Variants in JMJD1C observed in about 807,000 individuals in gnomAD.
The protein encoded by JMJD1C is jumonji domain-containing protein 1C.
Under a neutral mutation model 245.3 loss-of-function variants are expected in JMJD1C, and 31 were observed. That is an observed-to-expected ratio of 0.13 (90% CI 0.09 to 0.17). JMJD1C has a LOEUF of 0.17. Among genes scored for constraint, JMJD1C ranks in the 10% least tolerant of loss-of-function variants. The probability of loss-of-function intolerance (pLI) is 1.00; values close to 1 mark genes in which losing one functional copy is unlikely to be tolerated. For synonymous variants in JMJD1C, 1,057 were observed against 1,017.4 expected, an observed-to-expected ratio of 1.04 and a Z score of -0.74; for missense variants, 2,691 against 3,000.2, an observed-to-expected ratio of 0.90 and a Z score of 2.41.
chr10:63,427,158 A>C (rs149973703), intron 1 of JMJD1C: 1 of 154,518 alleles, frequency 6.5e-6, no homozygotes, highest in Admixed American at 6.4e-5. Flanking sequence ...TGGCGGCAGC[A>C]GCTGCTTGGG....
intron 2 of JMJD1C, among the ~76,000 whole-genome samples, chr10:63,341,816 T>C (rs1943407577): frequency 6.6e-6 from 1 of 152,176 alleles, no homozygotes; most frequent in Non-Finnish European, 1.5e-5. Flanking sequence ...TAACACACGT[T>C]CTTGAACGAC....
intron 1 of JMJD1C, among the ~76,000 whole-genome samples, chr10:63,499,827 C>T (rs922948472): frequency 1.3e-5 from 2 of 152,222 alleles, no homozygotes; most frequent in East Asian, 1.9e-4. Context: ...TCAAAGAAGA[C>T]GTTAAAATAT....
At chr10:63,424,021 T>C (rs1950283556) in intron 1 of JMJD1C, among the ~76,000 whole-genome samples, 1 of 152,234 alleles carries the variant, frequency 6.6e-6, no homozygotes, top group Admixed American at 6.5e-5. Context: ...AAGTTCTTTA[T>C]ATATTCTGCA....
intron 10 of JMJD1C, chr10:63,202,902 C>T: frequency 1.0e-6 from 1 of 972,312 alleles, no homozygotes; most frequent in Non-Finnish European, 1.2e-6. Context: ...ATTTATTACA[C>T]TAGAATAAAC....
intron 2 of JMJD1C, among the ~76,000 whole-genome samples, chr10:63,342,284 T>C (rs1464215423): frequency 6.6e-6 from 1 of 152,210 alleles, no homozygotes; most frequent in African/African-American, 2.4e-5. Flanking sequence ...ATGCATGACA[T>C]GGTAAAAATG....
chr10:63,345,021 C>T (rs1339392637), intron 2 of JMJD1C, among the ~76,000 whole-genome samples: 1 of 152,112 alleles, frequency 6.6e-6, no homozygotes, highest in African/African-American at 2.4e-5. Flanking sequence ...AGCAATACCC[C>T]TCCTAGATAT....
At chr10:63,286,540 C>T (rs1269689278) in intron 2 of JMJD1C, among the ~76,000 whole-genome samples, 1 of 152,212 alleles carries the variant, frequency 6.6e-6, no homozygotes, top group Non-Finnish European at 1.5e-5. Flanking sequence ...ATCCTACTTT[C>T]TCAGGAACCA....
intron 3 of JMJD1C, among the ~76,000 whole-genome samples, chr10:63,234,310 A>T (rs1850388384): frequency 6.6e-6 from 1 of 151,896 alleles, no homozygotes; most frequent in African/African-American, 2.4e-5. Context: ...CCTGGGCAAC[A>T]TGGCGAGACC....
intron 1 of JMJD1C, among the ~76,000 whole-genome samples, chr10:63,456,749 A>G (rs1298789974): frequency 1.3e-5 from 2 of 152,160 alleles, no homozygotes; most frequent in Non-Finnish European, 2.9e-5. Context: ...CATAATTTTC[A>G]TAAGCAATAT....
At chr10:63,519,551 T>A (rs188287754) in intron 1 of JMJD1C, among the ~76,000 whole-genome samples, 4 of 152,314 alleles carry the variant, frequency 2.6e-5, no homozygotes, top group Admixed American at 2.0e-4. Flanking sequence ...TTCAGTACAT[T>A]AGACATGGTA....
At chr10:63,348,396 G>C (rs10761747) in intron 2 of JMJD1C, among the ~76,000 whole-genome samples, 95,384 of 151,924 alleles carry the variant, frequency 0.63, 32,682 homozygotes, top group Non-Finnish European at 0.78. Flanking sequence ...TTTACACCAT[G>C]ACTAACAAGA....
At chr10:63,456,402 A>T (rs1436027997) in intron 1 of JMJD1C, among the ~76,000 whole-genome samples, 1 of 152,176 alleles carries the variant, frequency 6.6e-6, no homozygotes, top group Non-Finnish European at 1.5e-5. Flanking sequence ...TCAAGATTCC[A>T]TCTATAGAAT....
At chr10:63,480,126 T>C (rs183397380) in intron 1 of JMJD1C, among the ~76,000 whole-genome samples, 48 of 152,310 alleles carry the variant, frequency 3.2e-4, no homozygotes, top group African/African-American at 1.0e-3. Flanking sequence ...TAGTTAGTTG[T>C]AGTCCAGAGT....
At chr10:63,513,324 C>T (rs1246417353) in intron 1 of JMJD1C, among the ~76,000 whole-genome samples, 1 of 152,228 alleles carries the variant, frequency 6.6e-6, no homozygotes, top group East Asian at 1.9e-4. Context: ...GGATTTAAGA[C>T]TTCAATGTAA....
intron 2 of JMJD1C, among the ~76,000 whole-genome samples, chr10:63,277,722 T>G (rs1856937639): frequency 7.1e-6 from 1 of 139,906 alleles, no homozygotes; most frequent in African/African-American, 2.7e-5. Context: ...TTGAGAGTAA[T>G]TTGCATTTCT....
intron 3 of JMJD1C, among the ~76,000 whole-genome samples, chr10:63,224,583 T>TTA (rs1589209012): frequency 6.6e-6 from 1 of 152,108 alleles, no homozygotes; most frequent in South Asian, 2.1e-4. Flanking sequence ...AATAGGTTTT[T>TTA]TATATATATA....
intron 2 of JMJD1C, among the ~76,000 whole-genome samples, chr10:63,347,198 A>T (rs1943906234): frequency 6.6e-6 from 1 of 151,356 alleles, no homozygotes; most frequent in Non-Finnish European, 1.5e-5. Flanking sequence ...CCTCCCAAGT[A>T]GCTAAGATTA....
intron 1 of JMJD1C, among the ~76,000 whole-genome samples, chr10:63,451,179 C>T (rs1176410949): frequency 6.6e-6 from 1 of 152,068 alleles, no homozygotes; most frequent in Non-Finnish European, 1.5e-5. Context: ...TCAGAAAATC[C>T]GATATTAAGA....
In JMJD1C at chr10:63,305,629, C is replaced by CGTGTGTGTGTGTGTGTGTGTGT. The variant is rs36038855; in HGVS notation, c.334-40887_334-40866dup. Among the ~76,000 whole-genome samples, 452 of 121,756 alleles carry CGTGTGTGTGTGTGTGTGTGTGT rather than the reference C, an allele frequency of 3.7e-3. 6 individuals are homozygous for CGTGTGTGTGTGTGTGTGTGTGT. Among genetic ancestry groups the CGTGTGTGTGTGTGTGTGTGTGT allele is most frequent in the Non-Finnish European group, 4.5e-3 (256 of 57,406 alleles). The allele number at this position is 121,756 out of a possible 152,430, so 79.9% of individuals were successfully genotyped here. On this transcript the variant is annotated intron_variant, in intron 2 of 25. Transcript: ENST00000399262. ...CTACGGGCAAGCACCACCATGCTGG[C>CGTGTGTGTGTGTGTGTGTGTGT]GTGTGTGTGTGTGTGTGTGTGTGTG... is the stretch of plus-strand genomic sequence containing the variant.
Sources: allele counts gnomAD v4.1 joint callset (sites outside exome capture counted in the v4.1 genomes callset), GRCh38; gene constraint gnomAD v4.1.1; transcripts MANE v1.5; gene names NCBI Gene and HGNC (gene_info 2026-07-23, HGNC 2026-07-21).